IL17RC: variants seen among roughly 807,000 people sequenced by gnomAD.
IL17RC encodes the protein interleukin 17 receptor C.
IL17RC carries 53 observed loss-of-function variants against 86.7 expected under a neutral mutation model. The ratio of observed to expected loss-of-function variants is 0.61; its 90% confidence interval spans 0.49 to 0.77. The LOEUF (loss-of-function observed/expected upper bound fraction) is 0.77, where lower values mean the gene tolerates loss of function less well. Ranked by LOEUF, IL17RC falls within the 30% of genes least tolerant of loss-of-function variation. The probability of loss-of-function intolerance (pLI) is 0.00; values close to 1 mark genes in which losing one functional copy is unlikely to be tolerated. For synonymous variants in IL17RC, 439 were observed against 413.1 expected (o/e 1.06, Z -0.76); for missense variants, 957 against 940.0 (o/e 1.02, Z -0.24).
chr3:9,931,752 G>A (rs562313810), intron 16 of IL17RC, among the ~76,000 whole-genome samples: 9 of 151,454 alleles, frequency 5.9e-5, no homozygotes, highest in South Asian at 4.2e-4. Flanking sequence ...TGATCCGCCC[G>A]CGTCGGCCTC....
rs891714713 is a variant in IL17RC, at chr3:9,917,249, G to T, written c.-67G>T. 4.7e-6 allele frequency: 6 copies of T among 1,281,708 alleles called. No individual in the cohort carries two copies. The Admixed American group carries it at 1.3e-4, about 27-fold the overall frequency. 79.4% of individuals were successfully genotyped at this position (1,281,708 alleles called of 1,614,324 possible). On this transcript the variant is annotated 5_prime_UTR_variant, in exon 1 of 19. Coordinates refer to ENST00000403601, the MANE Select transcript of IL17RC (RefSeq NM_153460.4). ...CACCCACAGACACGGGCTGACTGGG[G>T]TGTCTGCCCCCCTTGGGGGGGGGCA...
chr3:9,931,087 AATG>A (rs1189239162), intron 16 of IL17RC, 144 bp downstream of exon 16: 6 of 763,826 alleles, frequency 7.9e-6, no homozygotes, highest in Non-Finnish European at 1.4e-5. Flanking sequence ...TCACTCAAAA[AATG>A]ATGAGAGCTT....
intron 12 of IL17RC, 137 bp downstream of exon 12, chr3:9,928,767 T>TG (rs2084360722): frequency 7.1e-6 from 6 of 845,830 alleles, no homozygotes; most frequent in Non-Finnish European, 1.2e-5. Flanking sequence ...CCTACTTTAG[T>TG]AGTGCGCGGG....
Position 9,928,511 on chromosome 3 carries a change from C to T in IL17RC, c.1059+25C>T, listed in dbSNP as rs2287303. The T allele has an allele frequency of 1.4e-3, 2,241 of 1,613,534 alleles. 20 individuals are homozygous for T. The East Asian group carries it at 0.029, about 21-fold the overall frequency. The stretch of plus-strand genomic sequence containing the variant: ...CGTAAGTGAAGCAGAGGGCACCTCC[C>T]GTGGTGAGGGGAGAGTGGGGAACCG... On this transcript the variant is annotated intron_variant, in intron 11 of 18. Transcript: ENST00000403601.
At chr3:9,917,834 C>G in intron 2 of IL17RC, 89 bp from the exon 3 acceptor site, 1 of 1,609,094 alleles carries the variant, frequency 6.2e-7, no homozygotes, top group Non-Finnish European at 8.5e-7. Context: ...CCTAGGACAG[C>G]CAAGTTCTTT....
In IL17RC at chr3:9,917,746, T is replaced by C. The variant is rs2083212500; in HGVS notation, c.127+12T>C. 1 of 1,613,676 alleles carries C rather than the reference T, an allele frequency of 6.2e-7. No individual in the cohort carries two copies. On this transcript the variant is annotated intron_variant, in intron 2 of 18. Coordinates refer to ENST00000403601, the MANE Select transcript of IL17RC (RefSeq NM_153460.4). Reference sequence around the variant, plus strand: ...CTGCCGCCTCTGGGGTAAGTATCCCTACTTTTAAAAAGAATTTCCCAGGTT... The same window carrying C: ...CTGCCGCCTCTGGGGTAAGTATCCCCACTTTTAAAAAGAATTTCCCAGGTT...
intron 6 of IL17RC, 80 bp downstream of exon 6, chr3:9,920,682 C>A: frequency 1.0e-6 from 1 of 966,588 alleles, no homozygotes; most frequent in Non-Finnish European, 1.6e-6. Context: ...CCTCTTCTAG[C>A]TCCATCCACT....
chr3:9,918,157 C>A, intron 3 of IL17RC, 82 bp downstream of exon 3: 1 of 1,438,894 alleles, frequency 6.9e-7, no homozygotes, highest in Admixed American at 2.0e-5. Flanking sequence ...ATCTCTCAAG[C>A]AGTGCTAGGC....
At position 9,923,823 on chromosome 3, in the gene IL17RC, C is replaced by A; in HGVS notation, c.623-58C>A. The A allele has an allele frequency of 1.9e-6, 3 of 1,584,392 alleles. No homozygotes were observed. The South Asian group carries it at 3.4e-5, about 18-fold the overall frequency. ...TTGAAGGAAACTCCAAAGGGTCAGTCGGGGATGCAGAAGAGGTGAGGAAGT... is the reference window on the plus strand; with the variant it reads ...TTGAAGGAAACTCCAAAGGGTCAGTAGGGGATGCAGAAGAGGTGAGGAAGT... On this transcript the variant is annotated intron_variant, in intron 7 of 18. Coordinates refer to ENST00000403601, the MANE Select transcript of IL17RC (RefSeq NM_153460.4).
intron 3 of IL17RC, 117 bp downstream of exon 3, chr3:9,918,192 AC>A: frequency 7.5e-7 from 1 of 1,335,544 alleles, no homozygotes; most frequent in Non-Finnish European, 1.0e-6. Context: ...CCTGGAGGAC[AC>A]CAGCAGAAGG....
Position 9,933,420 on chromosome 3 carries a change from G to C in IL17RC, c.1990G>C (p.Gly664Arg). Residue 664 changes from glycine (G) to arginine (R), a missense_variant, in exon 19 of 19, where the codon GGG (glycine) becomes CGG (arginine). Gly to Arg is a moderately radical substitution (Grantham distance 125). Coordinates refer to ENST00000403601, the MANE Select transcript of IL17RC (RefSeq NM_153460.4). ...TLPSQLPDFL[G>R]ALQQPRAPRS... ...GCCCTCCCAACTGCCAGACTTCCTG[G>C]GGGCCCTGCAGCAGCCTCGCGCCCC... 1 of 1,613,256 alleles carries C rather than the reference G, an allele frequency of 6.2e-7. No homozygotes were observed. The highest frequency in any genetic ancestry group is 2.2e-5 in the East Asian group (1 of 44,872).
Position 9,932,963 on chromosome 3 carries a change from G to A in IL17RC, c.1533G>A (p.Arg511=), listed in dbSNP as rs758168767. 1 of 1,607,126 alleles carries A rather than the reference G, an allele frequency of 6.2e-7. No homozygotes were observed. Among genetic ancestry groups the A allele is most frequent in the Non-Finnish European group, 8.5e-7 (1 of 1,178,238 alleles). Residue 511 remains arginine, a synonymous_variant, in exon 19 of 19, where the codon AGG becomes AGA. Coordinates refer to ENST00000403601, the MANE Select transcript of IL17RC (RefSeq NM_153460.4). ...KQDVRSGAAA[R]GRAALLLYSA... is the part of the protein sequence containing the mutation. ...TGTTTTCTCCGGCAGCGGCCGCCAG[G>A]GGCCGCGCGGCTCTGCTCCTCTACT...
Position 9,933,456 on chromosome 3 carries a change from C to G in IL17RC, c.2026C>G (p.Arg676Gly). ...LQQPRAPRSG[R>G]LQERAEQVSR... ...GCAGCCTCGCGCCCCGCGTTCCGGG[C>G]GGCTCCAAGAGAGAGCGGAGCAAGT... is the stretch of plus-strand genomic sequence containing the variant. The change falls in exon 19 of 19, where the codon CGG (arginine) becomes GGG (glycine). Residue 676 changes from arginine to glycine, a missense_variant. Arg to Gly is a moderately radical substitution (Grantham distance 125, BLOSUM62 -2). Coordinates refer to ENST00000403601, the MANE Select transcript of IL17RC (RefSeq NM_153460.4). 1 of 1,613,030 alleles carries G rather than the reference C, an allele frequency of 6.2e-7. No individual in the cohort carries two copies.
chr3:9,918,487 C>G lies in IL17RC; in HGVS notation c.356-13C>G. The G allele has an allele frequency of 6.2e-7, 1 of 1,612,626 alleles. No individual in the cohort carries two copies. Among genetic ancestry groups the G allele is most frequent in the Non-Finnish European group, 8.5e-7 (1 of 1,178,608 alleles). ...CTCCTGGGCCTGACTGACCCCTGCCCTGTTGCCCACAGCCTCTCTCCAGGC... is the reference window on the plus strand; with the variant it reads ...CTCCTGGGCCTGACTGACCCCTGCCGTGTTGCCCACAGCCTCTCTCCAGGC... On this transcript the variant is annotated splice_polypyrimidine_tract_variant and intron_variant, in intron 4 of 18. Transcript: ENST00000403601.
Position 9,932,837 on chromosome 3 carries a change from A to C in IL17RC, c.1501A>C (p.Lys501Gln). ...CCTAACAGGGTGGCTGAGGCTCTTG[A>C]AACAGGACGTCCGCTCGGGGGGTGA... is the stretch of plus-strand genomic sequence containing the variant. ...DHAKGWLRLL[K>Q]QDVRSGAAAR... The change falls in exon 18 of 19, where the codon AAA becomes CAA. Residue 501 changes from lysine (K) to glutamine (Q), a missense_variant. Coordinates refer to ENST00000403601, the MANE Select transcript of IL17RC (RefSeq NM_153460.4). The C allele has an allele frequency of 6.4e-7, 1 of 1,563,294 alleles. No homozygotes were observed. Among genetic ancestry groups the C allele is most frequent in the Non-Finnish European group, 8.6e-7 (1 of 1,159,510 alleles).
At position 9,930,962 on chromosome 3, in the gene IL17RC, G is replaced by C; in HGVS notation, c.1387+19G>C. ...GACAAATGTGAGTATTGTAAGAACT[G>C]CCTTTCCTTTCTGTACCAGGAGTGG... is the stretch of plus-strand genomic sequence containing the variant. On this transcript the variant is annotated intron_variant, in intron 16 of 18. Transcript: ENST00000403601. This position sits in a 1 kb window ranked among gnomAD's most constrained non-coding sequence, Gnocchi z 5.8. 1 of 1,609,304 alleles carries C rather than the reference G, an allele frequency of 6.2e-7. No individual in the cohort carries two copies. The highest frequency in any genetic ancestry group is 8.5e-7 in the Non-Finnish European group (1 of 1,175,620).
In IL17RC at chr3:9,920,962, C is replaced by T; in HGVS notation, c.615C>T (p.Ser205=). ...RGLEVWNSIP[S]CWALPWLNVS... is the part of the protein sequence containing the mutation. ...TCGAAGTCTGGAACAGCATCCCGAG[C>T]TGCTGGGGTAGGGGCTAGGGCCAGT... is the stretch of plus-strand genomic sequence containing the variant. Residue 205 remains serine, a synonymous_variant, in exon 7 of 19, where the codon AGC becomes AGT. Coordinates refer to ENST00000403601, the MANE Select transcript of IL17RC (RefSeq NM_153460.4). The T allele has an allele frequency of 6.3e-7, 1 of 1,592,702 alleles. No homozygotes were observed. The highest frequency in any genetic ancestry group is 8.5e-7 in the Non-Finnish European group (1 of 1,172,292).
chr3:9,931,063 G>C, intron 16 of IL17RC, 120 bp downstream of exon 16: 1 of 826,444 alleles, frequency 1.2e-6, no homozygotes, highest in Non-Finnish European at 2.1e-6. Flanking sequence ...ATAAACAGAG[G>C]GTCATTCCTT....
rs2084574370 is a variant in IL17RC at position 9,930,739 on chromosome 3, C to G, written c.1339-156C>G. On this transcript the variant is annotated intron_variant, in intron 15 of 18. Coordinates refer to ENST00000403601, the MANE Select transcript of IL17RC (RefSeq NM_153460.4). The surrounding 1 kb of genome is among the most constrained non-coding windows in gnomAD (Gnocchi z 5.8). ...GGTATGGAAGAAGTCATACCCTAGT[C>G]AGTGGGCACAGCACAAAGGCAGAGC... The G allele has an allele frequency of 1.3e-6, 1 of 766,750 alleles. No individual in the cohort carries two copies. Among genetic ancestry groups the G allele is most frequent in the Admixed American group, 1.9e-5 (1 of 51,912 alleles). The allele number at this position is 766,750 out of a possible 1,614,324, so 47.5% of individuals were successfully genotyped here.
Sources: gnomAD v4.1 joint callset for allele counts (sites outside exome capture counted in the v4.1 genomes callset) on GRCh38, gnomAD v4.1.1 for gene constraint, Gnocchi (gnomAD v3.1) non-coding constraint, MANE v1.5 for transcripts, NCBI Gene and HGNC (gene_info 2026-07-23, HGNC 2026-07-21) for gene names.